The following WDR49 variants were observed in gnomAD, a reference collection of about 807,000 sequenced individuals.
WDR49 encodes the protein WD repeat domain 49, also known as cilia- and flagella-associated protein 337.
WDR49 carries 107 observed loss-of-function variants against 119.5 expected under a neutral mutation model. That is an observed-to-expected ratio of 0.90 (90% CI 0.77 to 1.05). The LOEUF is 1.05. Among genes scored for constraint, WDR49 ranks in the 50% least tolerant of loss-of-function variants. The probability of loss-of-function intolerance (pLI) is 0.00; values close to 1 mark genes in which losing one functional copy is unlikely to be tolerated. For missense variants in WDR49, 1,240 were observed against 1,220.5 expected, an observed-to-expected ratio of 1.02 and a Z score of -0.24; for synonymous variants, 425 against 418.8, an observed-to-expected ratio of 1.01 and a Z score of -0.18.
chr3:167,541,767 A>C (rs533171646), intron 10 of WDR49, among the ~76,000 whole-genome samples: 25 of 152,286 alleles, frequency 1.6e-4, no homozygotes, highest in Middle Eastern at 3.4e-3. Context: ...GCCAGAATGG[A>C]TAAAAATCCA....
intron 8 of WDR49, among the ~76,000 whole-genome samples, chr3:167,562,589 T>C (rs1023681096): frequency 3.9e-5 from 6 of 152,242 alleles, no homozygotes; most frequent in African/African-American, 1.2e-4. Flanking sequence ...GACCAAATGA[T>C]CTGGATCTTT....
chr3:167,607,149 A>G (rs111635615), intron 5 of WDR49, among the ~76,000 whole-genome samples: 2,592 of 152,272 alleles, frequency 0.017, 73 homozygotes, highest in African/African-American at 0.056. Context: ...ATGTCATTCC[A>G]TTCCTTTATG....
intron 18 of WDR49, among the ~76,000 whole-genome samples, chr3:167,482,137 C>T (rs542001754): frequency 1.1e-3 from 169 of 152,136 alleles, no homozygotes; most frequent in African/African-American, 3.8e-3. Context: ...GGCAACCACA[C>T]AAAATAATCA....
At chr3:167,596,511 A>T (rs1365620659) in intron 7 of WDR49, among the ~76,000 whole-genome samples, 7 of 151,478 alleles carry the variant, frequency 4.6e-5, no homozygotes, top group African/African-American at 1.7e-4. Context: ...AAAATGTGGC[A>T]TATATACACC....
intron 17 of WDR49, among the ~76,000 whole-genome samples, chr3:167,505,006 TA>T (rs1485741691): frequency 6.6e-6 from 1 of 152,222 alleles, no homozygotes; most frequent in Admixed American, 6.5e-5. Flanking sequence ...GTGAGCCAAT[TA>T]AACCTTTTTC....
intron 11 of WDR49, among the ~76,000 whole-genome samples, chr3:167,536,309 T>A (rs1362387488): frequency 3.3e-5 from 5 of 152,168 alleles, no homozygotes; most frequent in Non-Finnish European, 5.9e-5. Flanking sequence ...GCACAATTTA[T>A]ACATGTATTG....
intron 7 of WDR49, among the ~76,000 whole-genome samples, chr3:167,585,967 A>T (rs1171539399): frequency 2.6e-5 from 4 of 152,124 alleles, no homozygotes; most frequent in Non-Finnish European, 4.4e-5. Context: ...CTTTAAATGA[A>T]AATCCTTTGT....
At chr3:167,621,379 G>A (rs1190412028) in intron 4 of WDR49, 88 bp downstream of exon 4, 1 of 1,299,462 alleles carries the variant, frequency 7.7e-7, no homozygotes, top group East Asian at 2.6e-5. Flanking sequence ...AAATTTGGAG[G>A]TCACACTCAT....
intron 7 of WDR49, among the ~76,000 whole-genome samples, chr3:167,577,830 C>T (rs1714327498): frequency 6.6e-6 from 1 of 151,964 alleles, no homozygotes; most frequent in Non-Finnish European, 1.5e-5. Flanking sequence ...TAGTTTTTAA[C>T]CTATTTTAAA....
chr3:167,527,926 A>G lies in WDR49; in HGVS notation c.2498T>C (p.Leu833Ser). ...CTGACCACCTGGCTCACACATCTCT[A>G]AGGAACTTATTCGGTCCTCATGAGG... ...FQPHEDRISS[L>S]EMCEPGGQLL... The change falls in exon 15 of 19, where the codon TTA becomes TCA. Residue 833 changes from leucine (L) to serine (S), a missense_variant. By Grantham distance (145) the Leu-to-Ser change is moderately radical. Transcript: ENST00000682715. 2 of 1,613,362 alleles carry G rather than the reference A, an allele frequency of 1.2e-6. No individual in the cohort carries two copies. The highest frequency in any genetic ancestry group is 1.7e-6 in the Non-Finnish European group (2 of 1,179,592).
intron 6 of WDR49, among the ~76,000 whole-genome samples, chr3:167,602,736 G>A (rs76586780): frequency 0.028 from 4,317 of 152,152 alleles, 186 homozygotes; most frequent in East Asian, 0.17. Context: ...AAATTATCAA[G>A]TAATCAAGTA....
chr3:167,500,933 T>C (rs756758096), intron 17 of WDR49, among the ~76,000 whole-genome samples: 10 of 152,242 alleles, frequency 6.6e-5, no homozygotes, highest in Non-Finnish European at 1.3e-4. Context: ...AACTGGGTTT[T>C]TGTCACGATG....
At chr3:167,613,227 C>T (rs1254745311) in intron 5 of WDR49, among the ~76,000 whole-genome samples, 5 of 152,168 alleles carry the variant, frequency 3.3e-5, no homozygotes, top group Non-Finnish European at 1.5e-5. Flanking sequence ...TAAAGTATAA[C>T]TGTATCTATT....
chr3:167,565,187 A>G (rs1713521454), intron 8 of WDR49, among the ~76,000 whole-genome samples: 1 of 152,156 alleles, frequency 6.6e-6, no homozygotes, highest in African/African-American at 2.4e-5. Flanking sequence ...AACCTTGCTT[A>G]GTGGATTTTT....
chr3:167,584,736 T>A (rs1160090559), intron 7 of WDR49, among the ~76,000 whole-genome samples: 1 of 152,028 alleles, frequency 6.6e-6, no homozygotes, highest in African/African-American at 2.4e-5. Context: ...AGAAAAAATC[T>A]ACACAAAAAT....
Position 167,560,163 on chromosome 3 carries a change from T to C in WDR49, c.1575A>G (p.Lys525=). ...CGTTGCCGTGGCAACCAGTAAACTGTTTGATTTTCTGCCCAGTGTCTATCA... is the reference window on the plus strand; with the variant it reads ...CGTTGCCGTGGCAACCAGTAAACTGCTTGATTTTCTGCCCAGTGTCTATCA... The part of the protein sequence containing the change: ...FWMIDTGQKI[K]QFTGCHGNAE... Residue 525 remains lysine, a synonymous_variant, in exon 9 of 19, where the codon AAA becomes AAG. Coordinates refer to ENST00000682715, the MANE Select transcript of WDR49 (RefSeq NM_001366157.1). 6.2e-7 allele frequency: 1 copy of C among 1,614,180 alleles called. No homozygotes were observed. The highest frequency in any genetic ancestry group is 8.5e-7 in the Non-Finnish European group (1 of 1,180,028).
intron 11 of WDR49, among the ~76,000 whole-genome samples, chr3:167,536,038 C>T (rs576075031): frequency 1.3e-5 from 2 of 152,052 alleles, no homozygotes; most frequent in Admixed American, 1.3e-4. Context: ...AAGTTATTCT[C>T]ATAAAAGCAG....
chr3:167,478,882 T>G lies in WDR49; in HGVS notation c.3146A>C (p.Lys1049Thr). Residue 1049 changes from lysine to threonine, a missense_variant, in exon 19 of 19, where the codon AAG becomes ACG. Transcript: ENST00000682715. Reference sequence around the variant, plus strand: ...GTGAAGGTTTTTCTGTTGTAATTACTTCTTATTTTTCTTCACTTCACAACT... The same window carrying G: ...GTGAAGGTTTTTCTGTTGTAATTACGTCTTATTTTTCTTCACTTCACAACT... ...EKSCEVKKNK[K>T] 1 of 1,598,456 alleles carries G rather than the reference T, an allele frequency of 6.3e-7. No individual in the cohort carries two copies. The highest frequency in any genetic ancestry group is 8.5e-7 in the Non-Finnish European group (1 of 1,172,734).
intron 5 of WDR49, among the ~76,000 whole-genome samples, chr3:167,610,042 A>G (rs1340048002): frequency 6.6e-6 from 1 of 150,414 alleles, no homozygotes; most frequent in Non-Finnish European, 1.5e-5. Context: ...ATATCCAGGT[A>G]TTATATCAAG....
Sources: gnomAD v4.1 joint callset for allele counts (sites outside exome capture counted in the v4.1 genomes callset) on GRCh38, gnomAD v4.1.1 for gene constraint, MANE v1.5 for transcripts, NCBI Gene and HGNC (gene_info 2026-07-23, HGNC 2026-07-21) for gene names.